Variants in TRPM6 observed in about 807,000 individuals in gnomAD.
TRPM6 encodes the protein channel kinase 2.
TRPM6 carries 111 observed loss-of-function variants against 247.6 expected under a neutral mutation model. The ratio of observed to expected loss-of-function variants is 0.45; its 90% confidence interval spans 0.38 to 0.52. The LOEUF (loss-of-function observed/expected upper bound fraction) is 0.52, where lower values mean the gene tolerates loss of function less well. Ranked by LOEUF, TRPM6 falls within the 20% of genes least tolerant of loss-of-function variation. The pLI, the probability that TRPM6 is intolerant of heterozygous loss-of-function variation, is 0.00. For synonymous variants in TRPM6, 892 were observed against 853.8 expected, an observed-to-expected ratio of 1.04 and a Z score of -0.78; for missense variants, 2,126 against 2,421.5, an observed-to-expected ratio of 0.88 and a Z score of 2.56.
At position 74,788,665 on chromosome 9, in the gene TRPM6, C is replaced by T. The variant is rs1344827929; in HGVS notation, c.2616G>A (p.Glu872=). The T allele has an allele frequency of 6.2e-7, 1 of 1,614,120 alleles. No homozygotes were observed. The highest frequency in any genetic ancestry group is 2.2e-5 in the East Asian group (1 of 44,878). ...VEMQPQPSVQ[E]WLVSIYIFTN... is the part of the protein sequence containing the mutation. Reference sequence around the variant, plus strand: ...TGAAGATGTAAATGCTAACAAGCCACTCCTGCACGCTGGGCTGGGGCTGCA... The same window carrying T: ...TGAAGATGTAAATGCTAACAAGCCATTCCTGCACGCTGGGCTGGGGCTGCA... The change falls in exon 20 of 39, where the codon GAG becomes GAA. Residue 872 remains glutamate, a synonymous_variant. Coordinates refer to ENST00000360774, the MANE Select transcript of TRPM6 (RefSeq NM_017662.5).
At chr9:74,804,725 C>T (rs1828472769) in intron 14 of TRPM6, 1 of 835,130 alleles carries the variant, frequency 1.2e-6, no homozygotes, top group Non-Finnish European at 2.0e-6. Flanking sequence ...CTGCAGCTCC[C>T]ACTGCTCAGG....
At chr9:74,744,312 T>G in intron 31 of TRPM6, 167 bp from the exon 32 acceptor site, 1 of 696,386 alleles carries the variant, frequency 1.4e-6, no homozygotes. Context: ...GCGCATGGTA[T>G]CCTGACAGCT....
chr9:74,757,978 A>C (rs1826489608), intron 27 of TRPM6, among the ~76,000 whole-genome samples: 2 of 152,202 alleles, frequency 1.3e-5, no homozygotes, highest in Admixed American at 6.5e-5. Context: ...CACTAACCAC[A>C]GATCTCAAAG....
At chr9:74,840,576 A>G (rs1237704200) in intron 4 of TRPM6, among the ~76,000 whole-genome samples, 1 of 152,194 alleles carries the variant, frequency 6.6e-6, no homozygotes, top group Non-Finnish European at 1.5e-5. Flanking sequence ...GCACTTCGGG[A>G]GGCCGAGGTG....
chr9:74,776,429 C>A (rs753052310), intron 23 of TRPM6, among the ~76,000 whole-genome samples: 1 of 152,102 alleles, frequency 6.6e-6, no homozygotes. Flanking sequence ...CATAATTCAT[C>A]GTTTATGGGA....
chr9:74,810,875 T>TA lies in TRPM6; in HGVS notation c.1444-8dup. 4.3e-6 allele frequency: 7 copies of TA among 1,612,572 alleles called. No homozygotes were observed. Among genetic ancestry groups the TA allele is most frequent in the Non-Finnish European group, 5.9e-6 (7 of 1,178,780 alleles). On this transcript the variant is annotated splice_polypyrimidine_tract_variant and splice_region_variant and intron_variant, in intron 12 of 38. Coordinates refer to ENST00000360774, the MANE Select transcript of TRPM6 (RefSeq NM_017662.5). ...TATTAGTAGGTCCTTGTTTCTGAAATAAAGAACAAAAGGAAGAATTATTCT... is the reference window on the plus strand; with the variant it reads ...TATTAGTAGGTCCTTGTTTCTGAAATAAAAGAACAAAAGGAAGAATTATTCT...
intron 3 of TRPM6, among the ~76,000 whole-genome samples, chr9:74,847,832 T>C (rs960801166): frequency 6.6e-6 from 1 of 152,064 alleles, no homozygotes; most frequent in East Asian, 1.9e-4. Flanking sequence ...AGATAAATAA[T>C]GAAGTTATGA....
chr9:74,872,621 T>TGTGTGTGC (rs775789817), intron 1 of TRPM6, among the ~76,000 whole-genome samples: 15 of 152,012 alleles, frequency 9.9e-5, no homozygotes, highest in African/African-American at 3.6e-4. Context: ...TGTGTGTGTG[T>TGTGTGTGC]GTGCATGCGC....
At chr9:74,779,891 C>T (rs1453851037) in intron 23 of TRPM6, among the ~76,000 whole-genome samples, 4 of 152,234 alleles carry the variant, frequency 2.6e-5, no homozygotes, top group Non-Finnish European at 4.4e-5. Flanking sequence ...TAAGAAGTGA[C>T]GGCTGGGCGC....
At chr9:74,848,759 A>C (rs1830187036) in intron 3 of TRPM6, among the ~76,000 whole-genome samples, 1 of 152,202 alleles carries the variant, frequency 6.6e-6, no homozygotes, top group African/African-American at 2.4e-5. Context: ...TCTGATGCAC[A>C]ATTAATTCCA....
At chr9:74,867,235 G>A (rs1830873977) in intron 1 of TRPM6, among the ~76,000 whole-genome samples, 1 of 152,046 alleles carries the variant, frequency 6.6e-6, no homozygotes, top group South Asian at 2.1e-4. Context: ...AAACTCCACT[G>A]TACACTCATG....
chr9:74,748,161 A>G (rs1826115841), intron 30 of TRPM6, among the ~76,000 whole-genome samples: 1 of 152,232 alleles, frequency 6.6e-6, no homozygotes, highest in African/African-American at 2.4e-5. Flanking sequence ...CTTAGCCATC[A>G]TAATGTCACA....
At chr9:74,850,971 A>G (rs1395727263) in intron 3 of TRPM6, among the ~76,000 whole-genome samples, 3 of 152,200 alleles carry the variant, frequency 2.0e-5, no homozygotes, top group East Asian at 1.9e-4. Context: ...TACACAAAAC[A>G]TAAATTGAGG....
chr9:74,784,274 A>G (rs1015888382), intron 21 of TRPM6, among the ~76,000 whole-genome samples: 26 of 151,750 alleles, frequency 1.7e-4, no homozygotes, highest in Non-Finnish European at 3.2e-4. Flanking sequence ...GAAAAAAAAA[A>G]AAAAAGAAAG....
intron 15 of TRPM6, among the ~76,000 whole-genome samples, chr9:74,802,767 A>G (rs1828390473): frequency 6.6e-6 from 1 of 152,166 alleles, no homozygotes; most frequent in South Asian, 2.1e-4. Flanking sequence ...TTCTGATTAT[A>G]TTTATCAGCA....
chr9:74,772,153 C>T (rs1388196558), intron 24 of TRPM6, among the ~76,000 whole-genome samples: 1 of 152,150 alleles, frequency 6.6e-6, no homozygotes, highest in African/African-American at 2.4e-5. Flanking sequence ...TAGCTAGGCG[C>T]CTGTGGTCCC....
intron 1 of TRPM6, among the ~76,000 whole-genome samples, chr9:74,885,098 T>C (rs1254431499): frequency 6.6e-6 from 1 of 152,230 alleles, no homozygotes; most frequent in African/African-American, 2.4e-5. Context: ...AAAGAACTTG[T>C]GGTTAAATTG....
chr9:74,776,760 CTTAACT>C (rs1176233539), intron 23 of TRPM6, among the ~76,000 whole-genome samples: 3 of 152,150 alleles, frequency 2.0e-5, no homozygotes, highest in East Asian at 3.9e-4. Flanking sequence ...TCCTTAACTA[CTTAACT>C]TTAAGTATAT....
At chr9:74,767,126 T>A (rs192921501) in intron 25 of TRPM6, among the ~76,000 whole-genome samples, 39 of 152,248 alleles carry the variant, frequency 2.6e-4, no homozygotes, top group African/African-American at 9.1e-4. Flanking sequence ...CTGGGAGGTG[T>A]CACAGATGTT....
Sources: allele counts gnomAD v4.1 joint callset (sites outside exome capture counted in the v4.1 genomes callset), GRCh38; gene constraint gnomAD v4.1.1; transcripts MANE v1.5; gene names NCBI Gene and HGNC (gene_info 2026-07-23, HGNC 2026-07-21).